Variants in SRBD1 observed in about 807,000 individuals in gnomAD.
SRBD1 encodes S1 RNA-binding domain-containing protein 1.
In SRBD1, 88 loss-of-function variants were observed where a neutral mutation model predicts 115.3. That is an observed-to-expected ratio of 0.76 (90% CI 0.64 to 0.91). The LOEUF (loss-of-function observed/expected upper bound fraction) is 0.91. Ranked by LOEUF, SRBD1 falls within the 40% of genes least tolerant of loss-of-function variation. The probability of loss-of-function intolerance (pLI) is 0.00; values close to 1 mark genes in which losing one functional copy is unlikely to be tolerated. For missense variants in SRBD1, 1,385 were observed against 1,177.4 expected (o/e 1.18, Z -2.58); for synonymous variants, 509 against 407.7 (o/e 1.25, Z -2.99).
At chr2:45,582,348 C>T (rs1353918065) in intron 5 of SRBD1, among the ~76,000 whole-genome samples, 5 of 152,158 alleles carry the variant, frequency 3.3e-5, no homozygotes, top group African/African-American at 4.8e-5. Flanking sequence ...AGAAGTCATA[C>T]TGTGTTCTTA....
chr2:45,436,104 CA>C (rs1240259235), intron 16 of SRBD1, among the ~76,000 whole-genome samples: 1 of 151,424 alleles, frequency 6.6e-6, no homozygotes, highest in African/African-American at 2.4e-5. Context: ...GTTCAACATT[CA>C]AAAAATCAAT....
chr2:45,594,093 T>A (rs961729104), intron 4 of SRBD1, among the ~76,000 whole-genome samples: 2 of 152,234 alleles, frequency 1.3e-5, no homozygotes, highest in Admixed American at 6.5e-5. Context: ...CAATTTCTCT[T>A]ATTTAATTTC....
chr2:45,546,414 C>T (rs1672120894), intron 14 of SRBD1: 1 of 868,848 alleles, frequency 1.2e-6, no homozygotes, highest in South Asian at 5.3e-5. Context: ...TAGCCTGGTA[C>T]ATCATTCTAC....
intron 1 of SRBD1, among the ~76,000 whole-genome samples, chr2:45,607,244 A>AGGAAGTTAGTGTATGACAAGGGT (rs1185924937): frequency 8.5e-5 from 13 of 152,324 alleles, no homozygotes; most frequent in African/African-American, 3.1e-4. Flanking sequence ...ATAAGAATGG[A>AGGAAGTTAGTGTATGACAAGGGT]GGAAGTTAGT....
intron 1 of SRBD1, 46 bp from the exon 2 acceptor site, chr2:45,605,487 T>C (rs916014527): frequency 1.3e-6 from 2 of 1,550,600 alleles, no homozygotes; most frequent in East Asian, 2.2e-5. Context: ...AATATTCTTA[T>C]CACTTTATTT....
intron 14 of SRBD1, among the ~76,000 whole-genome samples, chr2:45,507,694 T>C (rs1670838639): frequency 6.6e-6 from 1 of 151,912 alleles, no homozygotes; most frequent in African/African-American, 2.4e-5. Context: ...TACTCGAACC[T>C]GGGCAACAAG....
intron 14 of SRBD1, chr2:45,546,090 G>C: frequency 1.2e-6 from 1 of 869,006 alleles, no homozygotes; most frequent in Non-Finnish European, 1.4e-6. Flanking sequence ...TTCTACTATA[G>C]TTTGGAAAAG....
chr2:45,517,098 G>C (rs916944248), intron 14 of SRBD1, among the ~76,000 whole-genome samples: 1 of 152,130 alleles, frequency 6.6e-6, no homozygotes, highest in African/African-American at 2.4e-5. Flanking sequence ...CTCTTCAGAA[G>C]GGTTGTACTA....
intron 16 of SRBD1, 40 bp downstream of exon 16, chr2:45,476,952 AT>A (rs771834362): frequency 1.8e-5 from 28 of 1,570,542 alleles, no homozygotes; most frequent in Non-Finnish European, 2.4e-5. Context: ...TGCTCCTTGT[AT>A]TGATGGATTT....
intron 10 of SRBD1, among the ~76,000 whole-genome samples, chr2:45,561,418 A>G (rs1672660660): frequency 1.3e-5 from 2 of 152,220 alleles, no homozygotes; most frequent in South Asian, 4.1e-4. Context: ...TTGATCCTTC[A>G]TTGCTTTTAA....
intron 14 of SRBD1, among the ~76,000 whole-genome samples, chr2:45,514,688 A>C (rs2103936498): frequency 6.6e-6 from 1 of 152,252 alleles, no homozygotes; most frequent in Non-Finnish European, 1.5e-5. Context: ...AAACTGTCTG[A>C]GTTCTTCTGG....
intron 18 of SRBD1, among the ~76,000 whole-genome samples, chr2:45,415,824 T>G (rs1209757305): frequency 1.5e-5 from 2 of 131,040 alleles, no homozygotes; most frequent in African/African-American, 5.9e-5. Flanking sequence ...GAGAGGAGTC[T>G]GAAACTAAAA....
At chr2:45,603,389 C>T (rs1572831005) in intron 2 of SRBD1, among the ~76,000 whole-genome samples, 1 of 152,168 alleles carries the variant, frequency 6.6e-6, no homozygotes, top group South Asian at 2.1e-4. Context: ...ATACTACTTC[C>T]TGGCAGCTTC....
intron 14 of SRBD1, among the ~76,000 whole-genome samples, chr2:45,521,603 T>G (rs1671285177): frequency 6.6e-6 from 1 of 152,102 alleles, no homozygotes; most frequent in Non-Finnish European, 1.5e-5. Flanking sequence ...TTGATAGTTC[T>G]CAAAAATCAA....
intron 4 of SRBD1, among the ~76,000 whole-genome samples, chr2:45,591,157 C>T (rs1400318214): frequency 6.6e-6 from 1 of 152,196 alleles, no homozygotes; most frequent in East Asian, 1.9e-4. Context: ...CTGGGGATAA[C>T]ATTCCCATTG....
intron 7 of SRBD1, among the ~76,000 whole-genome samples, chr2:45,579,355 T>C (rs1673274541): frequency 6.6e-6 from 1 of 152,202 alleles, no homozygotes; most frequent in Admixed American, 6.5e-5. Flanking sequence ...GTCAAAACTC[T>C]TGACATTTTT....
At chr2:45,438,797 T>C (rs892998702) in intron 16 of SRBD1, among the ~76,000 whole-genome samples, 13 of 151,958 alleles carry the variant, frequency 8.6e-5, no homozygotes, top group African/African-American at 3.1e-4. Context: ...AAAGAGAGAA[T>C]AGGGCAGATA....
chr2:45,454,569 C>T (rs1669095333), intron 16 of SRBD1, among the ~76,000 whole-genome samples: 1 of 151,764 alleles, frequency 6.6e-6, no homozygotes, highest in Non-Finnish European at 1.5e-5. Context: ...CAGCAGTTTG[C>T]AAACCCCACT....
intron 3 of SRBD1, among the ~76,000 whole-genome samples, chr2:45,601,654 G>A (rs1346272158): frequency 6.6e-6 from 1 of 152,218 alleles, no homozygotes; most frequent in Non-Finnish European, 1.5e-5. Context: ...CTAATGGTAA[G>A]CACTCAACTA....
Sources: gnomAD v4.1 joint callset for allele counts (sites outside exome capture counted in the v4.1 genomes callset) on GRCh38, gnomAD v4.1.1 for gene constraint, MANE v1.5 for transcripts, NCBI Gene and HGNC (gene_info 2026-07-23, HGNC 2026-07-21) for gene names.